Variants in MPPE1 observed in about 807,000 individuals in gnomAD.
The protein encoded by MPPE1 is metallophosphoesterase 1.
Under a neutral mutation model 43.8 loss-of-function variants are expected in MPPE1, and 28 were observed. The ratio of observed to expected loss-of-function variants is 0.64; its 90% CI spans 0.47 to 0.88. The LOEUF is 0.88. MPPE1 is among the 40% of genes least tolerant of loss of function. The pLI is 0.00. For synonymous variants in MPPE1, 159 were observed against 188.5 expected, an observed-to-expected ratio of 0.84 and a Z score of 1.28; for missense variants, 428 against 492.2, an observed-to-expected ratio of 0.87 and a Z score of 1.23.
At position 11,886,819 on chromosome 18, in the gene MPPE1, C is replaced by A; in HGVS notation, c.679-41G>T. On this transcript the variant is annotated intron_variant, in intron 7 of 10. Transcript: ENST00000588072. The surrounding 1 kb of genome is among the most constrained non-coding windows in gnomAD (Gnocchi z 4.1). The stretch of plus-strand genomic sequence containing the variant: ...CAGGCCATTAATCCGCACACCTGAC[C>A]CTCATCAAAGGGCAAGAAGCGCTAG... The A allele has an allele frequency of 1.9e-6, 3 of 1,603,362 alleles. No homozygotes were observed. Among genetic ancestry groups the A allele is most frequent in the Non-Finnish European group, 2.6e-6 (3 of 1,173,434 alleles).
chr18:11,890,332 AGG>A (rs1242980049), intron 4 of MPPE1, among the ~76,000 whole-genome samples: 4 of 151,804 alleles, frequency 2.6e-5, no homozygotes, highest in Admixed American at 2.0e-4. Flanking sequence ...TTTTTGAGAC[AGG>A]GTCTCACTAT....
In MPPE1 at chr18:11,886,853, G is replaced by T. The variant is rs1289540494; in HGVS notation, c.678+64C>A. On this transcript the variant is annotated intron_variant, in intron 7 of 10. Transcript: ENST00000588072. This position sits in a 1 kb window ranked among gnomAD's most constrained non-coding sequence, Gnocchi z 4.1. ...AGGGCAAGAAGCGCTAGGGGGCTGAGTGAGCAACCGAAGCGGAGCAACACG... is the reference window on the plus strand; with the variant it reads ...AGGGCAAGAAGCGCTAGGGGGCTGATTGAGCAACCGAAGCGGAGCAACACG... 5 of 1,595,812 alleles carry T rather than the reference G, an allele frequency of 3.1e-6. No homozygotes were observed. The East Asian group carries it at 1.1e-4, about 36-fold the overall frequency.
At chr18:11,899,033 G>A (rs749452327) in intron 2 of MPPE1, among the ~76,000 whole-genome samples, 1 of 151,918 alleles carries the variant, frequency 6.6e-6, no homozygotes, top group Non-Finnish European at 1.5e-5. Flanking sequence ...TCAGCCTCCC[G>A]AGTAGCTGGG....
chr18:11,886,464 G>A lies in MPPE1; in HGVS notation c.867+35C>T. The stretch of plus-strand genomic sequence containing the variant: ...CATGCAAGGTGATGAGAGTCACACT[G>A]TGACATGAATTAGCATCACGACACC... On this transcript the variant is annotated intron_variant, in intron 9 of 10. Coordinates refer to ENST00000588072, the MANE Select transcript of MPPE1 (RefSeq NM_023075.6). This position sits in a 1 kb window ranked among gnomAD's most constrained non-coding sequence, Gnocchi z 4.1. 1 of 1,613,990 alleles carries A rather than the reference G, an allele frequency of 6.2e-7. No homozygotes were observed. The highest frequency in any genetic ancestry group is 8.5e-7 in the Non-Finnish European group (1 of 1,179,980).
At chr18:11,893,426 A>C in intron 4 of MPPE1, 42 bp downstream of exon 4, 2 of 1,365,684 alleles carry the variant, frequency 1.5e-6, no homozygotes, top group Non-Finnish European at 2.1e-6. Flanking sequence ...CTTGTGCTGG[A>C]CCTCACAGCA....
At position 11,889,864 on chromosome 18, in the gene MPPE1, A is replaced by G. The variant is rs538250308; in HGVS notation, c.391-374T>C. On this transcript the variant is annotated intron_variant, in intron 4 of 10. Transcript: ENST00000588072. ...TGGGATTACAGGTATGAGCCAACGCACCCAGCCAATGATCCCTATTTTGAT... is the reference window on the plus strand; with the variant it reads ...TGGGATTACAGGTATGAGCCAACGCGCCCAGCCAATGATCCCTATTTTGAT... Among the ~76,000 whole-genome samples the G allele has an allele frequency of 5.8e-4, 87 of 150,756 alleles. No homozygotes were observed. In the East Asian group the frequency reaches 0.012, roughly 21 times the overall value.
intron 4 of MPPE1, among the ~76,000 whole-genome samples, chr18:11,890,136 G>C (rs1366627746): frequency 6.6e-6 from 1 of 150,654 alleles, no homozygotes; most frequent in East Asian, 2.0e-4. Context: ...TAGAGACGGG[G>C]TTTCACTGTG....
chr18:11,898,048 G>A (rs2038772242), intron 2 of MPPE1, among the ~76,000 whole-genome samples: 2 of 145,916 alleles, frequency 1.4e-5, no homozygotes, highest in Admixed American at 1.3e-4. Context: ...TGGTTTATAG[G>A]TTTTTGTTTG....
chr18:11,888,799 T>TA lies in MPPE1; in HGVS notation c.495-57dup. On this transcript the variant is annotated intron_variant, in intron 5 of 10. Transcript: ENST00000588072. The stretch of plus-strand genomic sequence containing the variant: ...CAGGACAAGCCATTTTAGAAACTCC[T>TA]AGAGTCATCATGAACACAAAATAAC... The TA allele has an allele frequency of 4.0e-6, 4 of 996,062 alleles. No individual in the cohort carries two copies. The South Asian group carries it at 6.3e-5, about 16-fold the overall frequency. 61.7% of individuals were successfully genotyped at this position (996,062 alleles called of 1,614,324 possible).
In MPPE1 at chr18:11,889,490, C is replaced by A. The variant is rs756977504; in HGVS notation, c.391G>T (p.Ala131Ser). The part of the protein sequence containing the change: ...FDEGKWSTPE[A>S]WADDVERFQK... The stretch of plus-strand genomic sequence containing the variant: ...AACCGCTCCACATCATCCGCCCAGG[C>A]CTGAGGGAAAAAGAATCACTGCTGA... Residue 131 changes from alanine to serine, a missense_variant and splice_region_variant, in exon 5 of 11, where the codon GCC becomes TCC. Physicochemically the swap from Ala to Ser is moderately conservative, Grantham distance 99 (BLOSUM62 1). Around this residue, in one of 3 missense-constraint regions of MPPE1, gnomAD observed 379 missense variants for 402.5 expected, o/e 0.94. Coordinates refer to ENST00000588072, the MANE Select transcript of MPPE1 (RefSeq NM_023075.6). 10 of 1,609,412 alleles carry A rather than the reference C, an allele frequency of 6.2e-6. No homozygotes were observed. Among genetic ancestry groups the A allele is most frequent in the South Asian group, 5.5e-5 (5 of 90,546 alleles).
intron 2 of MPPE1, chr18:11,905,753 G>C (rs1387014479): frequency 6.6e-6 from 1 of 152,280 alleles, no homozygotes; most frequent in Non-Finnish European, 1.5e-5. Flanking sequence ...TGTCAGGAAA[G>C]AGGAAACCGT....
intron 10 of MPPE1, chr18:11,885,158 C>T (rs1449492642): frequency 3.3e-5 from 26 of 793,158 alleles, no homozygotes; most frequent in Non-Finnish European, 4.2e-5. Flanking sequence ...GTTAGGGTTT[C>T]CTCCACCTTT....
intron 2 of MPPE1, among the ~76,000 whole-genome samples, chr18:11,904,581 A>C (rs2039525114): frequency 1.3e-5 from 2 of 152,126 alleles, no homozygotes; most frequent in African/African-American, 4.8e-5. Context: ...GGCCTCCCAA[A>C]ATACTGGGAT....
intron 2 of MPPE1, among the ~76,000 whole-genome samples, chr18:11,903,081 G>A (rs911457586): frequency 2.0e-5 from 3 of 152,140 alleles, no homozygotes; most frequent in African/African-American, 7.2e-5. Context: ...CATGAGCGGG[G>A]CAGGTGAGGG....
chr18:11,887,007 G>C lies in MPPE1; in HGVS notation c.588C>G (p.Ser196Arg). 1.9e-6 allele frequency: 3 copies of C among 1,612,930 alleles called. No individual in the cohort carries two copies. Among genetic ancestry groups the C allele is most frequent in the Non-Finnish European group, 2.5e-6 (3 of 1,179,120 alleles). ...WKGINFVMVN[S>R]VALNGDGCGI... Reference sequence around the variant, plus strand: ...CACAGCCATCCCCGTTCAGCGCCACGCTGTTGACCATCACAAAGCTGAAGC... The same window carrying C: ...CACAGCCATCCCCGTTCAGCGCCACCCTGTTGACCATCACAAAGCTGAAGC... Residue 196 changes from serine to arginine, a missense_variant, in exon 7 of 11, where the codon AGC (serine) becomes AGG (arginine). Coordinates refer to ENST00000588072, the MANE Select transcript of MPPE1 (RefSeq NM_023075.6).
intron 2 of MPPE1, among the ~76,000 whole-genome samples, chr18:11,900,262 T>A (rs8090778): frequency 2.6e-5 from 4 of 151,918 alleles, no homozygotes; most frequent in African/African-American, 9.7e-5. Flanking sequence ...CAAGAGAATC[T>A]CTTGAACCTG....
At chr18:11,885,506 TC>T (rs2037072507) in intron 10 of MPPE1, 169 bp downstream of exon 10, 1 of 748,824 alleles carries the variant, frequency 1.3e-6, no homozygotes, top group East Asian at 2.8e-5. Flanking sequence ...GCTGATTGGT[TC>T]CCGGAAGGGT....
intron 4 of MPPE1, 86 bp downstream of exon 4, chr18:11,893,382 C>T (rs2038219697): frequency 2.2e-6 from 2 of 911,256 alleles, no homozygotes; most frequent in Non-Finnish European, 3.5e-6. Context: ...ATCTCCAGCT[C>T]AAGCTGACAC....
chr18:11,900,164 T>G (rs1343808147), intron 2 of MPPE1, among the ~76,000 whole-genome samples: 1 of 152,094 alleles, frequency 6.6e-6, no homozygotes, highest in African/African-American at 2.4e-5. Context: ...CTGGCCAACC[T>G]GGCAAAACCC....
Sources: allele counts gnomAD v4.1 joint callset (sites outside exome capture counted in the v4.1 genomes callset), GRCh38; gene constraint gnomAD v4.1.1; regional missense constraint gnomAD v4.1.1; non-coding constraint Gnocchi (gnomAD v3.1); transcripts MANE v1.5; gene names NCBI Gene and HGNC (gene_info 2026-07-23, HGNC 2026-07-21).